CLIP4: variants seen among roughly 807,000 people sequenced by gnomAD.
CLIP4 encodes the protein CAP-Gly domain-containing linker protein 4.
CLIP4 carries 47 observed loss-of-function variants against 73.1 expected under a neutral mutation model. That is an observed-to-expected ratio of 0.64 (90% CI 0.51 to 0.82). CLIP4 has a LOEUF of 0.82. CLIP4 is among the 40% of genes least tolerant of loss of function. The pLI, the probability that CLIP4 is intolerant of heterozygous loss-of-function variation, is 0.00. For synonymous variants in CLIP4, 306 were observed against 295.4 expected (o/e 1.04, Z -0.37); for missense variants, 874 against 852.9 (o/e 1.02, Z -0.31).
intron 13 of CLIP4, among the ~76,000 whole-genome samples, chr2:29,165,971 T>A (rs557600441): frequency 1.1e-5 from 1 of 91,950 alleles, no homozygotes; most frequent in East Asian, 4.6e-4. Context: ...AGCCCCCTCT[T>A]CTTCAAAAAA....
At chr2:29,167,252 G>C (rs546479481) in intron 13 of CLIP4, among the ~76,000 whole-genome samples, 1 of 152,224 alleles carries the variant, frequency 6.6e-6, no homozygotes, top group South Asian at 2.1e-4. Context: ...GAATTCACTT[G>C]AATTTTTTTC....
At chr2:29,168,131 A>T in intron 14 of CLIP4, among the ~76,000 whole-genome samples, 1 of 152,132 alleles carries the variant, frequency 6.6e-6, no homozygotes, top group East Asian at 1.9e-4. Context: ...CCTCATTAGT[A>T]CTTACCTTGT....
intron 14 of CLIP4, among the ~76,000 whole-genome samples, chr2:29,172,009 G>A (rs1488647702): frequency 1.7e-5 from 2 of 120,362 alleles, no homozygotes; most frequent in Non-Finnish European, 3.4e-5. Context: ...CCCACCCTCT[G>A]TTTTTTTTTT....
chr2:29,116,164 C>T (rs1490852562), intron 1 of CLIP4, among the ~76,000 whole-genome samples: 1 of 152,190 alleles, frequency 6.6e-6, no homozygotes, highest in Admixed American at 6.5e-5. Flanking sequence ...ACCTGAGATC[C>T]CTTAATTCTG....
At chr2:29,146,304 TG>T (rs1172572865) in intron 8 of CLIP4, among the ~76,000 whole-genome samples, 1 of 152,136 alleles carries the variant, frequency 6.6e-6, no homozygotes, top group Admixed American at 6.5e-5. Flanking sequence ...GGGAGGGACT[TG>T]GTTATCAAGG....
intron 8 of CLIP4, among the ~76,000 whole-genome samples, chr2:29,147,142 T>A (rs1457150111): frequency 6.6e-6 from 1 of 152,172 alleles, no homozygotes; most frequent in African/African-American, 2.4e-5. Flanking sequence ...TCCATTTCCT[T>A]TAATTTTTCC....
At chr2:29,103,691 GTTT>G (rs900785835) in intron 1 of CLIP4, among the ~76,000 whole-genome samples, 2 of 146,380 alleles carry the variant, frequency 1.4e-5, no homozygotes, top group Non-Finnish European at 3.0e-5. Context: ...GCACTGCTCT[GTTT>G]TTTTTTTGTT....
In CLIP4 at chr2:29,156,452, C is replaced by G; in HGVS notation, c.1255+9C>G. ...TGTGACAGAGAAAGATGGTAATATA[C>G]CTTGTAACCTCTGTTTCTCAAAATT... is the stretch of plus-strand genomic sequence containing the variant. On this transcript the variant is annotated intron_variant, in intron 10 of 15. Transcript: ENST00000320081. 6.6e-7 allele frequency: 1 copy of G among 1,524,008 alleles called. No homozygotes were observed. The highest frequency in any genetic ancestry group is 1.2e-5 in the South Asian group (1 of 80,126). The allele number at this position is 1,524,008 out of a possible 1,614,324, so 94.4% of individuals were successfully genotyped here. A position where few individuals can be genotyped will look rare whatever the true frequency, so the allele number is the denominator to read the frequency against.
chr2:29,106,816 T>A (rs915027561), intron 1 of CLIP4, among the ~76,000 whole-genome samples: 1 of 152,196 alleles, frequency 6.6e-6, no homozygotes, highest in Non-Finnish European at 1.5e-5. Flanking sequence ...ATGATCTTGA[T>A]GATAAAGATA....
upstream of CLIP4, chr2:29,115,284 G>A (rs1572865098): frequency 1.3e-5 from 2 of 152,236 alleles, no homozygotes; most frequent in East Asian, 1.9e-4. This position sits in a 1 kb window ranked among gnomAD's most constrained non-coding sequence, Gnocchi z 5.1. Context: ...GGCGGGGGAG[G>A]TAACACTGCG....
At chr2:29,101,404 A>G (rs749981121) in intron 1 of CLIP4, among the ~76,000 whole-genome samples, 7 of 152,106 alleles carry the variant, frequency 4.6e-5, no homozygotes, top group African/African-American at 1.2e-4. Context: ...TGTAAGTCCA[A>G]CAATCCAAAA....
chr2:29,106,508 C>T (rs773700964), intron 1 of CLIP4, among the ~76,000 whole-genome samples: 2 of 152,116 alleles, frequency 1.3e-5, no homozygotes, highest in Non-Finnish European at 2.9e-5. Context: ...GCTTGTATGA[C>T]ACTTGGAGGC....
At chr2:29,173,229 G>A (rs1022487796) in intron 14 of CLIP4, among the ~76,000 whole-genome samples, 6 of 152,148 alleles carry the variant, frequency 3.9e-5, no homozygotes, top group Admixed American at 6.5e-5. Flanking sequence ...ACATATTTTT[G>A]TATTACAAGA....
At chr2:29,144,439 C>CT (rs1275625613) in intron 7 of CLIP4, among the ~76,000 whole-genome samples, 4 of 152,146 alleles carry the variant, frequency 2.6e-5, no homozygotes, top group Non-Finnish European at 5.9e-5. Flanking sequence ...ATCCAGACAC[C>CT]TTTTTTCCTC....
At position 29,133,956 on chromosome 2, in the gene CLIP4, G is replaced by A. The variant is rs866731799; in HGVS notation, c.529+140G>A. 6.0e-5 allele frequency: 41 copies of A among 677,880 alleles called. 1 individual carries two copies. Among genetic ancestry groups the A allele is most frequent in the Middle Eastern group, 8.2e-4 (2 of 2,448 alleles). 42.0% of individuals were successfully genotyped at this position (677,880 alleles called of 1,614,324 possible). A position where few individuals can be genotyped will look rare whatever the true frequency, so the allele number is the denominator to read the frequency against. ...TCTACTCCATTTTATTTCTGAGATA[G>A]TTTAAAATTTCTTTATTGAGTATTA... On this transcript the variant is annotated intron_variant, in intron 5 of 15. Coordinates refer to ENST00000320081, the MANE Select transcript of CLIP4 (RefSeq NM_024692.6).
chr2:29,138,138 G>C (rs1665503365), intron 6 of CLIP4, among the ~76,000 whole-genome samples: 1 of 152,046 alleles, frequency 6.6e-6, no homozygotes, highest in Admixed American at 6.6e-5. Flanking sequence ...TGTAGTTCGA[G>C]GTCTTACATT....
intron 2 of CLIP4, among the ~76,000 whole-genome samples, chr2:29,122,031 C>G (rs1291318540): frequency 6.6e-6 from 1 of 152,044 alleles, no homozygotes; most frequent in South Asian, 2.1e-4. Flanking sequence ...TAAAAGGGAA[C>G]CAGGAGATAA....
intron 2 of CLIP4, among the ~76,000 whole-genome samples, chr2:29,124,124 C>G (rs2148469179): frequency 6.6e-6 from 1 of 152,314 alleles, no homozygotes; most frequent in Non-Finnish European, 1.5e-5. Context: ...AGATTTCCAT[C>G]TGATACCATT....
chr2:29,169,848 C>T (rs973446462), intron 14 of CLIP4, among the ~76,000 whole-genome samples: 2 of 152,024 alleles, frequency 1.3e-5, no homozygotes, highest in African/African-American at 4.8e-5. Context: ...AATACTAGAA[C>T]TTATCCCTTC....
Sources: allele counts gnomAD v4.1 joint callset (sites outside exome capture counted in the v4.1 genomes callset), GRCh38; gene constraint gnomAD v4.1.1; non-coding constraint Gnocchi (gnomAD v3.1); transcripts MANE v1.5; gene names NCBI Gene and HGNC (gene_info 2026-07-23, HGNC 2026-07-21).